The following HTR4 variants were observed in gnomAD, a reference collection of about 807,000 sequenced individuals.
The protein encoded by HTR4 is 5-hydroxytryptamine (serotonin) receptor 4, G protein-coupled.
Under a neutral mutation model 36.8 loss-of-function variants are expected in HTR4, and 16 were observed. That is an observed-to-expected ratio of 0.43 (90% CI 0.29 to 0.66). The LOEUF is 0.66. Ranked by LOEUF, HTR4 falls within the 30% of genes least tolerant of loss-of-function variation. HTR4 has a pLI of 0.13. For missense variants in HTR4, 438 were observed against 490.9 expected (o/e 0.89, Z 1.02); for synonymous variants, 189 against 185.1 (o/e 1.02, Z -0.17).
intron 5 of HTR4, among the ~76,000 whole-genome samples, chr5:148,467,214 G>A (rs1012170514): frequency 6.6e-6 from 1 of 152,152 alleles, no homozygotes; most frequent in South Asian, 2.1e-4. Flanking sequence ...CCTGCGTGGA[G>A]CTAGAATTAC....
chr5:148,576,959 T>C (rs901040228), intron 2 of HTR4, among the ~76,000 whole-genome samples: 1 of 151,928 alleles, frequency 6.6e-6, no homozygotes, highest in Non-Finnish European at 1.5e-5. Flanking sequence ...AAAGCAAAAA[T>C]TGACAACTGG....
chr5:148,497,807 C>A (rs76872105), intron 6 of HTR4, among the ~76,000 whole-genome samples: 5,278 of 152,262 alleles, frequency 0.035, 115 homozygotes, highest in African/African-American at 0.056. Context: ...GGCATTATGC[C>A]TCTTTCTAAT....
chr5:148,495,206 T>C (rs1015981501), intron 6 of HTR4, among the ~76,000 whole-genome samples: 1 of 152,242 alleles, frequency 6.6e-6, no homozygotes, highest in African/African-American at 2.4e-5. Flanking sequence ...CTTAAAATTA[T>C]CACTCTCATG....
At chr5:148,562,053 A>T (rs1280528280) in intron 2 of HTR4, among the ~76,000 whole-genome samples, 3 of 152,222 alleles carry the variant, frequency 2.0e-5, no homozygotes, top group African/African-American at 7.2e-5. Flanking sequence ...GAGATGAAAC[A>T]GCTCAATTTT....
chr5:148,493,549 T>C (rs1263852774), intron 6 of HTR4, among the ~76,000 whole-genome samples: 2 of 152,174 alleles, frequency 1.3e-5, no homozygotes, highest in African/African-American at 2.4e-5. Context: ...CAACGATAAA[T>C]GAATGATAAA....
intron 5 of HTR4, among the ~76,000 whole-genome samples, chr5:148,512,243 A>C (rs1757530344): frequency 6.6e-6 from 1 of 152,150 alleles, no homozygotes; most frequent in Non-Finnish European, 1.5e-5. Flanking sequence ...TGTCCTGGCT[A>C]TTTCATTGTA....
At chr5:148,631,563 G>A (rs1286746733) in intron 2 of HTR4, among the ~76,000 whole-genome samples, 2 of 152,022 alleles carry the variant, frequency 1.3e-5, no homozygotes, top group East Asian at 1.9e-4. Context: ...AGAATATTCA[G>A]CATTAAAAAT....
At chr5:148,460,503 GA>G (rs112834456) in intron 5 of HTR4, among the ~76,000 whole-genome samples, 10,256 of 150,300 alleles carry the variant, frequency 0.068, 388 homozygotes, top group Middle Eastern at 0.083. Context: ...GTGTTGAGAG[GA>G]AAAAAAAATG....
At chr5:148,548,903 G>T in intron 3 of HTR4, 35 bp from the exon 4 acceptor site, 1 of 1,521,820 alleles carries the variant, frequency 6.6e-7, no homozygotes. Context: ...GGAGGCAGGG[G>T]GAGGGATGAA....
intron 6 of HTR4, among the ~76,000 whole-genome samples, chr5:148,506,393 A>C (rs1460564445): frequency 6.6e-6 from 1 of 152,222 alleles, no homozygotes; most frequent in South Asian, 2.1e-4. Flanking sequence ...TAAAGACTTA[A>C]ATGTCAGACC....
rs1424796706 is a variant in HTR4, at chr5:148,613,787, G to A, written c.26+23202C>T. On this transcript the variant is annotated intron_variant, in intron 2 of 6. Coordinates refer to ENST00000377888, the MANE Select transcript of HTR4 (RefSeq NM_000870.7). ...GATTGTATATCTAGAAAACCCCATT[G>A]TCTCAGCCCAAAATCTCCTTAAGCT... Among the ~76,000 whole-genome samples the A allele has an allele frequency of 5.3e-4, 80 of 149,804 alleles. 1 individual carries two copies. In the East Asian group the frequency reaches 0.014, roughly 27 times the overall value.
At position 148,568,750 on chromosome 5, in the gene HTR4, T is replaced by A. The variant is rs368776366; in HGVS notation, c.27-18488A>T. On this transcript the variant is annotated intron_variant, in intron 2 of 6. Transcript: ENST00000377888. Reference sequence around the variant, plus strand: ...TAGTAAAGCTTTTTGGATGCTAATTTGGCAGTATGTTCGAAATTTTTGAAT... The same window carrying A: ...TAGTAAAGCTTTTTGGATGCTAATTAGGCAGTATGTTCGAAATTTTTGAAT... Among the ~76,000 whole-genome samples the A allele has an allele frequency of 4.5e-4, 68 of 152,274 alleles. No individual in the cohort carries two copies. In the South Asian group the frequency reaches 0.014, roughly 32 times the overall value.
chr5:148,484,638 C>G (rs1756065001), intron 6 of HTR4, among the ~76,000 whole-genome samples: 1 of 152,176 alleles, frequency 6.6e-6, no homozygotes. Flanking sequence ...TCCATCAATC[C>G]TGGACAGCAA....
At chr5:148,461,099 A>T (rs963606719) in intron 5 of HTR4, among the ~76,000 whole-genome samples, 1 of 152,180 alleles carries the variant, frequency 6.6e-6, no homozygotes, top group African/African-American at 2.4e-5. Context: ...TAGGGCAACC[A>T]CTAAAAAAAG....
At chr5:148,575,637 TA>T (rs1760866005) in intron 2 of HTR4, among the ~76,000 whole-genome samples, 1 of 152,090 alleles carries the variant, frequency 6.6e-6, no homozygotes, top group African/African-American at 2.4e-5. Flanking sequence ...TCATTTTCTA[TA>T]ATTGCAAAAC....
chr5:148,553,526 G>C (rs1759798218), intron 2 of HTR4, among the ~76,000 whole-genome samples: 1 of 152,166 alleles, frequency 6.6e-6, no homozygotes, highest in African/African-American at 2.4e-5. Context: ...TAATGAATTA[G>C]AGTCACTGAC....
intron 2 of HTR4, among the ~76,000 whole-genome samples, chr5:148,557,769 ATATAT>A: frequency 6.7e-6 from 1 of 148,156 alleles, no homozygotes. Flanking sequence ...CATATATATA[ATATAT>A]TATATAATAT....
intron 6 of HTR4, among the ~76,000 whole-genome samples, chr5:148,508,069 T>C (rs1337690879): frequency 1.3e-5 from 2 of 152,156 alleles, no homozygotes; most frequent in Admixed American, 6.5e-5. Context: ...TAGCAAAAAA[T>C]GGAATTCATG....
intron 1 of HTR4, among the ~76,000 whole-genome samples, chr5:148,650,955 T>C (rs1754015509): frequency 6.6e-6 from 1 of 152,154 alleles, no homozygotes; most frequent in African/African-American, 2.4e-5. Flanking sequence ...GGCACTATAA[T>C]ATGGAGGTTC....
Sources: gnomAD v4.1 joint callset for allele counts (sites outside exome capture counted in the v4.1 genomes callset) on GRCh38, gnomAD v4.1.1 for gene constraint, MANE v1.5 for transcripts, NCBI Gene and HGNC (gene_info 2026-07-23, HGNC 2026-07-21) for gene names.